The following ZNF420 variants were observed in gnomAD, a reference collection of about 807,000 sequenced individuals.
The protein encoded by ZNF420 is ATM and p53-associated KZNF protein.
In ZNF420, 31 loss-of-function variants were observed where a neutral mutation model predicts 44.7. The ratio of observed to expected loss-of-function variants is 0.69; its 90% CI spans 0.52 to 0.94. ZNF420 has a LOEUF of 0.94. ZNF420 is among the 40% of genes least tolerant of loss of function. ZNF420 has a pLI of 0.00. For missense variants in ZNF420, 681 were observed against 827.9 expected, an observed-to-expected ratio of 0.82 and a Z score of 2.18; for synonymous variants, 245 against 267.4, an observed-to-expected ratio of 0.92 and a Z score of 0.82.
Position 37,087,286 on chromosome 19 carries a change from AAAAAAAATAAAT to A in ZNF420, c.-80-1749_-80-1738del, listed in dbSNP as rs1485760143. ...GTTGAGAGTGAGACCCTGTCTCAAAAAAAAAAATAAATAAATAAATAAATAAATAAATAAATA... is the reference window on the plus strand; with the variant it reads ...GTTGAGAGTGAGACCCTGTCTCAAAAAAATAAATAAATAAATAAATAAATA... On this transcript the variant is annotated intron_variant, in intron 2 of 4. Coordinates refer to ENST00000337995, the MANE Select transcript of ZNF420 (RefSeq NM_144689.5). Among the ~76,000 whole-genome samples, 5 of 42,458 alleles carry A rather than the reference AAAAAAAATAAAT, an allele frequency of 1.2e-4. No homozygotes were observed. In the African/African-American group the frequency reaches 1.2e-3, roughly 11 times the overall value. 27.9% of individuals were successfully genotyped at this position (42,458 alleles called of 152,430 possible).
intron 1 of ZNF420, among the ~76,000 whole-genome samples, chr19:37,013,261 C>T (rs902901319): frequency 6.6e-6 from 1 of 152,110 alleles, no homozygotes; most frequent in African/African-American, 2.4e-5. Context: ...CCCCCGCTCA[C>T]TATTTTTTAA....
Position 37,128,027 on chromosome 19 carries a change from C to A in ZNF420, c.1036C>A (p.Arg346=). 6.2e-7 allele frequency: 1 copy of A among 1,613,668 alleles called. No individual in the cohort carries two copies. The highest frequency in any genetic ancestry group is 2.2e-5 in the East Asian group (1 of 44,824). Reference sequence around the variant, plus strand: ...TAAGGAATGTGGAAGGGCCTTTATTCGGGGCTCACTACTGATGCAACATCA... The same window carrying A: ...TAAGGAATGTGGAAGGGCCTTTATTAGGGGCTCACTACTGATGCAACATCA... ...ECKECGRAFI[R]GSLLMQHQRI... is the part of the protein sequence containing the mutation. Residue 346 remains arginine (R), a synonymous_variant, in exon 5 of 5, where the codon CGG becomes AGG. Transcript: ENST00000337995.
At chr19:37,104,918 A>G (rs1969992287) in intron 4 of ZNF420, among the ~76,000 whole-genome samples, 2 of 152,142 alleles carry the variant, frequency 1.3e-5, no homozygotes, top group South Asian at 2.1e-4. Flanking sequence ...AGATGGGTAG[A>G]TTGCAAACAT....
At chr19:37,011,590 C>T (rs555301578) in intron 1 of ZNF420, among the ~76,000 whole-genome samples, 1 of 152,282 alleles carries the variant, frequency 6.6e-6, no homozygotes, top group East Asian at 1.9e-4. Context: ...CCTCTCCGCT[C>T]CTCCAGCAGG....
At chr19:37,066,572 G>A (rs764967095) in intron 1 of ZNF420, among the ~76,000 whole-genome samples, 47 of 152,314 alleles carry the variant, frequency 3.1e-4, no homozygotes, top group South Asian at 1.0e-3. Flanking sequence ...AACATCATTA[G>A]TCATTAGAAA....
intron 1 of ZNF420, among the ~76,000 whole-genome samples, chr19:37,045,370 C>T (rs560458291): frequency 2.0e-5 from 3 of 152,110 alleles, no homozygotes; most frequent in East Asian, 1.9e-4. Context: ...AACAGGTAAA[C>T]GTTTTGTTAT....
At chr19:37,079,071 G>A (rs532180414) in intron 1 of ZNF420, among the ~76,000 whole-genome samples, 1 of 152,290 alleles carries the variant, frequency 6.6e-6, no homozygotes, top group Non-Finnish European at 1.5e-5. Flanking sequence ...GGGGTTGTGT[G>A]TGCTGTTTTC....
At chr19:37,076,519 C>T (rs576476958), upstream of ZNF420, among the ~76,000 whole-genome samples, 19 of 152,120 alleles carry the variant, frequency 1.2e-4, no homozygotes, top group Non-Finnish European at 1.5e-4. Flanking sequence ...TGCTACCCCT[C>T]CCCCTACCCC....
chr19:37,105,404 T>G (rs1970019353), intron 4 of ZNF420, among the ~76,000 whole-genome samples: 1 of 152,206 alleles, frequency 6.6e-6, no homozygotes, highest in Admixed American at 6.5e-5. Context: ...TACTGTAGCC[T>G]TGTAGTATAG....
At chr19:37,086,669 A>C (rs947696928) in intron 2 of ZNF420, among the ~76,000 whole-genome samples, 4 of 152,102 alleles carry the variant, frequency 2.6e-5, no homozygotes, top group African/African-American at 9.7e-5. Flanking sequence ...CTTTGTTGTT[A>C]AATCTCTACA....
Position 37,129,182 on chromosome 19 carries a change from A to T in ZNF420, c.*124A>T. 8.1e-7 allele frequency: 1 copy of T among 1,232,304 alleles called. No homozygotes were observed. The highest frequency in any genetic ancestry group is 1.1e-6 in the Non-Finnish European group (1 of 891,254). 76.3% of individuals were successfully genotyped at this position (1,232,304 alleles called of 1,614,324 possible). ...AGCACAGCATCAGATAATTTATGTG[A>T]GAGAAAATGGTAGTGTCATTCATAT... On this transcript the variant is annotated 3_prime_UTR_variant, in exon 5 of 5. Coordinates refer to ENST00000337995, the MANE Select transcript of ZNF420 (RefSeq NM_144689.5).
intron 1 of ZNF420, among the ~76,000 whole-genome samples, chr19:37,032,048 T>C (rs755084974): frequency 1.4e-4 from 21 of 151,950 alleles, no homozygotes; most frequent in Non-Finnish European, 2.1e-4. Flanking sequence ...CCATCTCTAC[T>C]AAAAATACAA....
chr19:37,068,461 G>A (rs1968006174), intron 1 of ZNF420, among the ~76,000 whole-genome samples: 1 of 152,106 alleles, frequency 6.6e-6, no homozygotes, highest in African/African-American at 2.4e-5. Flanking sequence ...CCAACATGGA[G>A]AAACCCTGTC....
chr19:37,079,815 T>G (rs62108895), intron 1 of ZNF420, among the ~76,000 whole-genome samples: 76,261 of 151,562 alleles, frequency 0.5, 19,841 homozygotes, highest in African/African-American at 0.58. Flanking sequence ...AGGTCATGGT[T>G]TCACCATGAC....
chr19:37,127,955 C>T lies in ZNF420; in HGVS notation c.964C>T (p.Leu322Phe). Reference protein sequence around the residue: ...CGKAFICGSQLSQHQKIHNGE... With the variant: ...CGKAFICGSQFSQHQKIHNGE... Reference sequence around the variant, plus strand: ...AAAAGCTTTTATTTGTGGCTCACAGCTTTCTCAACATCAGAAAATTCATAA... The same window carrying T: ...AAAAGCTTTTATTTGTGGCTCACAGTTTTCTCAACATCAGAAAATTCATAA... The change falls in exon 5 of 5, where the codon CTT becomes TTT. Residue 322 changes from leucine to phenylalanine, a missense_variant. Leu to Phe is a conservative substitution (Grantham distance 22). Around this residue, in one of 3 missense-constraint regions of ZNF420, gnomAD observed 350 missense variants for 382.5 expected, o/e 0.92. Transcript: ENST00000337995. 6.2e-7 allele frequency: 1 copy of T among 1,614,012 alleles called. No individual in the cohort carries two copies.
At chr19:37,058,627 G>T (rs753239053) in intron 1 of ZNF420, among the ~76,000 whole-genome samples, 11 of 152,222 alleles carry the variant, frequency 7.2e-5, no homozygotes, top group Admixed American at 2.0e-4. Context: ...ATTCAGGCAC[G>T]GGCCCATTCC....
chr19:37,063,886 A>G (rs1020203436), intron 1 of ZNF420, among the ~76,000 whole-genome samples: 1 of 152,240 alleles, frequency 6.6e-6, no homozygotes, highest in African/African-American at 2.4e-5. Context: ...ACAAATTTAG[A>G]ATCATGCATT....
chr19:37,093,453 C>T (rs1313377341), intron 4 of ZNF420, among the ~76,000 whole-genome samples: 2 of 152,116 alleles, frequency 1.3e-5, no homozygotes, highest in Non-Finnish European at 2.9e-5. Context: ...AAACTCCTGA[C>T]CTCGTGATCC....
intron 4 of ZNF420, among the ~76,000 whole-genome samples, chr19:37,093,512 C>T (rs1003954587): frequency 2.0e-5 from 3 of 152,174 alleles, no homozygotes; most frequent in Non-Finnish European, 4.4e-5. Context: ...AGCCAGTGCA[C>T]CCGGCCAAGA....
Sources: gnomAD v4.1 joint callset for allele counts (sites outside exome capture counted in the v4.1 genomes callset) on GRCh38, gnomAD v4.1.1 for gene constraint, gnomAD v4.1.1 regional missense constraint, MANE v1.5 for transcripts, NCBI Gene and HGNC (gene_info 2026-07-23, HGNC 2026-07-21) for gene names.